SPG11: variants seen among roughly 807,000 people sequenced by gnomAD.
SPG11 encodes spatacsin.
In SPG11, 222 loss-of-function variants were observed where a neutral mutation model predicts 274.0. The observed-to-expected ratio is 0.81, with a 90% CI of 0.73 to 0.91. The LOEUF (loss-of-function observed/expected upper bound fraction) is 0.91, where lower values mean the gene tolerates loss of function less well. Ranked by LOEUF, SPG11 falls within the 40% of genes least tolerant of loss-of-function variation. The pLI is 0.00. For missense variants in SPG11, 3,114 were observed against 2,872.7 expected, an observed-to-expected ratio of 1.08 and a Z score of -1.92; for synonymous variants, 1,144 against 1,039.7, an observed-to-expected ratio of 1.10 and a Z score of -1.93.
At chr15:44,584,941 T>C (rs2082726852) in intron 29 of SPG11, among the ~76,000 whole-genome samples, 1 of 152,146 alleles carries the variant, frequency 6.6e-6, no homozygotes, top group Admixed American at 6.5e-5. Flanking sequence ...ATCATACTTG[T>C]TAAAACCAAA....
intron 24 of SPG11, 91 bp from the exon 25 acceptor site, chr15:44,596,446 G>C: frequency 7.0e-7 from 1 of 1,428,212 alleles, no homozygotes; most frequent in Non-Finnish European, 9.7e-7. Context: ...ACAAAATTAT[G>C]CTTTCTCACC....
chr15:44,639,682 A>C (rs2084384867), intron 7 of SPG11, among the ~76,000 whole-genome samples: 1 of 152,050 alleles, frequency 6.6e-6, no homozygotes, highest in Non-Finnish European at 1.5e-5. Context: ...ATCCTAGGTG[A>C]CAGAGTGAGA....
chr15:44,638,460 C>G (rs895694587), intron 7 of SPG11, among the ~76,000 whole-genome samples: 1 of 148,386 alleles, frequency 6.7e-6, no homozygotes, highest in Non-Finnish European at 1.5e-5. Flanking sequence ...GACTCCATCT[C>G]AAAACAAACA....
rs1567151053 is a variant in SPG11, at chr15:44,598,622, G to T, written c.3892+9C>A. ...CTAAACAAAGCAGGCCAGATAAAAG[G>T]TGCTGTACCTACAGACTCTCTGATA... On this transcript the variant is annotated intron_variant, in intron 22 of 39. Transcript: ENST00000261866. The T allele has an allele frequency of 1.2e-6, 2 of 1,613,218 alleles. No homozygotes were observed. Among genetic ancestry groups the T allele is most frequent in the Non-Finnish European group, 1.7e-6 (2 of 1,179,304 alleles).
chr15:44,610,540 G>A (rs186950681), intron 18 of SPG11, among the ~76,000 whole-genome samples: 102 of 151,736 alleles, frequency 6.7e-4, no homozygotes, highest in Admixed American at 1.2e-3. Flanking sequence ...GCGCCAAGAC[G>A]CCCAGTGAAG....
chr15:44,623,099 T>A (rs1420166213), intron 11 of SPG11, among the ~76,000 whole-genome samples: 1 of 151,932 alleles, frequency 6.6e-6, no homozygotes, highest in African/African-American at 2.4e-5. Flanking sequence ...CAGGTGTGCA[T>A]CACCATGCCT....
At chr15:44,614,382 A>G (rs2083538831) in intron 16 of SPG11, among the ~76,000 whole-genome samples, 1 of 152,008 alleles carries the variant, frequency 6.6e-6, no homozygotes, top group Non-Finnish European at 1.5e-5. Context: ...GTGTGCCACT[A>G]TGCCTGGCTG....
intron 11 of SPG11, among the ~76,000 whole-genome samples, chr15:44,623,403 T>C (rs917354282): frequency 2.6e-5 from 4 of 152,134 alleles, no homozygotes; most frequent in African/African-American, 9.7e-5. Flanking sequence ...GTGGAAACAA[T>C]GATCAATGCA....
chr15:44,595,529 A>C, intron 25 of SPG11, 70 bp from the exon 26 acceptor site: 2 of 1,484,740 alleles, frequency 1.3e-6, no homozygotes, highest in East Asian at 4.6e-5. Flanking sequence ...CTACAGATGG[A>C]TATTTCCTGT....
At chr15:44,651,440 G>C in intron 6 of SPG11, 51 bp downstream of exon 6, 1 of 1,512,908 alleles carries the variant, frequency 6.6e-7, no homozygotes, top group Non-Finnish European at 9.2e-7. Context: ...AATACAGTAG[G>C]AAAGCATACA....
At chr15:44,657,498 C>T (rs2084976343) in intron 3 of SPG11, among the ~76,000 whole-genome samples, 1 of 152,194 alleles carries the variant, frequency 6.6e-6, no homozygotes, top group African/African-American at 2.4e-5. Flanking sequence ...ATACCAAGTT[C>T]TTCAACAATA....
Position 44,622,275 on chromosome 15 carries a change from C to T in SPG11, c.2389G>A (p.Glu797Lys). 6.2e-7 allele frequency: 1 copy of T among 1,604,692 alleles called. No homozygotes were observed. Among genetic ancestry groups the T allele is most frequent in the South Asian group, 1.1e-5 (1 of 90,752 alleles). Reference sequence around the variant, plus strand: ...TGGAAATGTCCCAAATAAAGCTTCTCAACTTGATGCACGAAGTCTATAGTT... The same window carrying T: ...TGGAAATGTCCCAAATAAAGCTTCTTAACTTGATGCACGAAGTCTATAGTT... ...KRTIDFVHQV[E>K]KLYLGHFQEN... Residue 797 changes from glutamate to lysine, a missense_variant, in exon 13 of 40, where the codon GAG becomes AAG. Coordinates refer to ENST00000261866, the MANE Select transcript of SPG11 (RefSeq NM_025137.4).
At chr15:44,568,766 C>T (rs1363912740) in intron 35 of SPG11, among the ~76,000 whole-genome samples, 1 of 152,206 alleles carries the variant, frequency 6.6e-6, no homozygotes, top group Non-Finnish European at 1.5e-5. Flanking sequence ...CAGAGCTAGA[C>T]AATCCACTTT....
chr15:44,645,287 C>T (rs535618098), intron 7 of SPG11, among the ~76,000 whole-genome samples: 18 of 152,266 alleles, frequency 1.2e-4, no homozygotes, highest in Non-Finnish European at 1.9e-4. Context: ...ACCAATAGAA[C>T]AGAACAGAGA....
At chr15:44,570,784 G>C (rs1364270649) in intron 33 of SPG11, 126 bp from the exon 34 acceptor site, 11 of 1,226,422 alleles carry the variant, frequency 9.0e-6, no homozygotes, top group African/African-American at 1.5e-5. Flanking sequence ...CGTCCCATCA[G>C]CCCTCCGAAG....
Position 44,564,542 on chromosome 15 carries a change from C to T in SPG11, c.7151+5G>A. 3 of 1,613,498 alleles carry T rather than the reference C, an allele frequency of 1.9e-6. No homozygotes were observed. The African/African-American group carries it at 4.0e-5, about 22-fold the overall frequency. On this transcript the variant is annotated splice_donor_5th_base_variant and intron_variant, in intron 39 of 39. Transcript: ENST00000261866. ...CAATGTTTACAGTCAACTTTTAATA[C>T]TTACTTTTTGGAAATCTCTTCAAAT...
intron 30 of SPG11, among the ~76,000 whole-genome samples, chr15:44,576,682 A>T (rs1383658742): frequency 1.3e-5 from 2 of 151,994 alleles, no homozygotes; most frequent in African/African-American, 4.8e-5. Flanking sequence ...GTCTATCTAT[A>T]TGTACTGAGA....
intron 20 of SPG11, among the ~76,000 whole-genome samples, chr15:44,602,249 T>C (rs1308127221): frequency 6.6e-6 from 1 of 152,142 alleles, no homozygotes; most frequent in African/African-American, 2.4e-5. Context: ...TCAACTACTA[T>C]GTTGAACAGA....
At chr15:44,610,265 C>A (rs1400005231) in intron 18 of SPG11, among the ~76,000 whole-genome samples, 1 of 151,834 alleles carries the variant, frequency 6.6e-6, no homozygotes. Flanking sequence ...GTTGCCCAGG[C>A]TGGTCTCAAA....
Sources: gnomAD v4.1 joint callset for allele counts (sites outside exome capture counted in the v4.1 genomes callset) on GRCh38, gnomAD v4.1.1 for gene constraint, MANE v1.5 for transcripts, NCBI Gene and HGNC (gene_info 2026-07-23, HGNC 2026-07-21) for gene names.